ZSCAN5A: variants seen among roughly 807,000 people sequenced by gnomAD.
ZSCAN5A encodes the protein zinc finger and SCAN domain containing 5A, also known as zinc finger and SCAN domain-containing protein 5A.
A neutral mutation model predicts 23.7 loss-of-function variants in ZSCAN5A; 12 were observed. The ratio of observed to expected loss-of-function variants is 0.51; its 90% CI spans 0.32 to 0.82. ZSCAN5A has a LOEUF of 0.82. Among genes scored for constraint, ZSCAN5A ranks in the 40% least tolerant of loss-of-function variants. The probability of loss-of-function intolerance (pLI) is 0.03; values close to 1 mark genes in which losing one functional copy is unlikely to be tolerated. For missense variants in ZSCAN5A, 597 were observed against 617.9 expected, an observed-to-expected ratio of 0.97 and a Z score of 0.36; for synonymous variants, 257 against 239.9, an observed-to-expected ratio of 1.07 and a Z score of -0.66.
chr19:56,309,084 A>G (rs1005292634), intron 2 of ZSCAN5A, among the ~76,000 whole-genome samples: 12 of 152,250 alleles, frequency 7.9e-5, no homozygotes, highest in African/African-American at 2.9e-4. Context: ...AACAAAACGT[A>G]GTGCATTCAT....
At chr19:56,240,739 G>C (rs1381367260) in intron 2 of ZSCAN5A, among the ~76,000 whole-genome samples, 2 of 152,118 alleles carry the variant, frequency 1.3e-5, no homozygotes, top group African/African-American at 4.8e-5. Flanking sequence ...TTCTCATCAT[G>C]GGTAGGTTAC....
chr19:56,236,836 A>G (rs375607661), intron 2 of ZSCAN5A, among the ~76,000 whole-genome samples: 678 of 67,764 alleles, frequency 0.01, no homozygotes, highest in Admixed American at 0.014. Flanking sequence ...CTCCACTCCA[A>G]CCTCTGATTG....
intron 2 of ZSCAN5A, among the ~76,000 whole-genome samples, chr19:56,233,859 C>T (rs770724388): frequency 6.6e-6 from 1 of 152,126 alleles, no homozygotes; most frequent in Non-Finnish European, 1.5e-5. Context: ...CGGAGCCACC[C>T]TCAGAATAAC....
Position 56,222,004 on chromosome 19 carries a change from C to A in ZSCAN5A, c.1062G>T (p.Pro354=). ...TCTCGCACACGTCACATGCAAAGGG[C>A]GGCAGTGCCTTGGCTTCTTGGCCAT... ...HPDGQEAKAL[P]PFACDVCEKR... is the part of the protein sequence containing the mutation. The change falls in exon 6 of 6, where the codon CCG becomes CCT. Residue 354 remains proline, a synonymous_variant. Coordinates refer to ENST00000683990, the MANE Select transcript of ZSCAN5A (RefSeq NM_001322064.3). 1.2e-6 allele frequency: 2 copies of A among 1,614,198 alleles called. No individual in the cohort carries two copies. Among genetic ancestry groups the A allele is most frequent in the Non-Finnish European group, 1.7e-6 (2 of 1,180,038 alleles).
At chr19:56,323,851 T>C (rs2041407390) in intron 2 of ZSCAN5A, among the ~76,000 whole-genome samples, 1 of 151,192 alleles carries the variant, frequency 6.6e-6, no homozygotes, top group Non-Finnish European at 1.5e-5. Flanking sequence ...AACTTTTTTT[T>C]TTATAGATAC....
intron 2 of ZSCAN5A, among the ~76,000 whole-genome samples, chr19:56,233,719 AT>A (rs34015934): frequency 0.25 from 36,603 of 146,146 alleles, 4,712 homozygotes; most frequent in East Asian, 0.49. Flanking sequence ...AACAAAACAG[AT>A]TTTTTTTTTT....
rs1476816106 is a variant in ZSCAN5A at position 56,352,118 on chromosome 19, T to C, written c.-358+11117A>G. Among the ~76,000 whole-genome samples the C allele has an allele frequency of 6.6e-6, 1 of 152,136 alleles. No homozygotes were observed. Among genetic ancestry groups the C allele is most frequent in the Non-Finnish European group, 1.5e-5 (1 of 68,026 alleles). ...TTTTTGTTTGTTTGTTTCTTTGTTTTTGAGACGGAATCTCGCTCTGTCACC... is the reference window on the plus strand; with the variant it reads ...TTTTTGTTTGTTTGTTTCTTTGTTTCTGAGACGGAATCTCGCTCTGTCACC... On this transcript the variant is annotated intron_variant, in intron 2 of 6. Coordinates refer to the ZSCAN5A transcript ENST00000587340. This position sits in a 1 kb window ranked among gnomAD's most constrained non-coding sequence, Gnocchi z 4.2.
chr19:56,283,543 C>G (rs1242907580), intron 2 of ZSCAN5A: 1 of 152,162 alleles, frequency 6.6e-6, no homozygotes, highest in Non-Finnish European at 1.5e-5. Flanking sequence ...TTCAGTGATA[C>G]CGAGAAAGGT....
chr19:56,225,299 A>T, intron 2 of ZSCAN5A, 126 bp from the exon 3 acceptor site: 1 of 882,808 alleles, frequency 1.1e-6, no homozygotes, highest in East Asian at 3.2e-5. Flanking sequence ...GAAATCTTCC[A>T]GTGTCTATAC....
intron 2 of ZSCAN5A, among the ~76,000 whole-genome samples, chr19:56,237,098 C>G (rs2034995132): frequency 6.6e-6 from 1 of 152,254 alleles, no homozygotes; most frequent in Non-Finnish European, 1.5e-5. Context: ...GCTCTTGGGC[C>G]TCTTGCTGGA....
intron 2 of ZSCAN5A, among the ~76,000 whole-genome samples, chr19:56,257,132 A>G (rs2036759771): frequency 6.6e-6 from 1 of 152,220 alleles, no homozygotes; most frequent in African/African-American, 2.4e-5. Flanking sequence ...TGTGGAGAGA[A>G]GAGCCACATG....
chr19:56,275,919 TGATA>T (rs891232780), intron 2 of ZSCAN5A, among the ~76,000 whole-genome samples: 31 of 152,226 alleles, frequency 2.0e-4, no homozygotes, highest in African/African-American at 7.2e-4. Flanking sequence ...ATGGATGGGC[TGATA>T]GATGGGCCCG....
chr19:56,231,996 C>CTTTTTTTTTTTTTTTTTTT (rs59525392), intron 2 of ZSCAN5A, among the ~76,000 whole-genome samples: 3 of 124,984 alleles, frequency 2.4e-5, no homozygotes, highest in East Asian at 2.3e-4. Flanking sequence ...TTTTTCTTTT[C>CTTTTTTTTTTTTTTTTTTT]TTTTTTTTTG....
chr19:56,367,081 T>G (rs544144173), intron 1 of ZSCAN5A: 1 of 152,212 alleles, frequency 6.6e-6, no homozygotes, highest in East Asian at 1.9e-4. Context: ...TTAAAGTGGC[T>G]GGCTGCAGTG....
intron 2 of ZSCAN5A, among the ~76,000 whole-genome samples, chr19:56,302,616 TTCCTCCCTCCCTCC>T (rs1228088991): frequency 3.2e-4 from 30 of 94,002 alleles, no homozygotes; most frequent in Non-Finnish European, 5.1e-4. Context: ...CCTCTCCCTC[TTCCTCCCTCCCTCC>T]TCCTCCCTTC....
chr19:56,264,807 CACTAAA>C (rs1214909865), intron 2 of ZSCAN5A, among the ~76,000 whole-genome samples: 3 of 152,142 alleles, frequency 2.0e-5, no homozygotes, highest in Non-Finnish European at 2.9e-5. Flanking sequence ...ATCTAGGTCA[CACTAAA>C]GCTTTTAGTC....
chr19:56,317,727 CCGATGAAGAG>C (rs1285928183), upstream of ZSCAN5A: 1 of 152,954 alleles, frequency 6.5e-6, no homozygotes, highest in African/African-American at 2.4e-5. Context: ...GCTGGGGCGG[CCGATGAAGAG>C]CGAGGAAGAG....
rs920804173 is a variant in ZSCAN5A at position 56,228,375 on chromosome 19, C to T, written c.-127-3202G>A. Reference sequence around the variant, plus strand: ...AGGCCGCGTTTCCGGTTCCCTGCGCCGCCCCGTGATTGGTTTAGGGCCATA... The same window carrying T: ...AGGCCGCGTTTCCGGTTCCCTGCGCTGCCCCGTGATTGGTTTAGGGCCATA... On this transcript the variant is annotated intron_variant, in intron 2 of 5. Coordinates refer to ENST00000683990, the MANE Select transcript of ZSCAN5A (RefSeq NM_001322064.3). The T allele has an allele frequency of 9.1e-6, 9 of 985,186 alleles. No homozygotes were observed. In the African/African-American group the frequency reaches 1.2e-4, roughly 13 times the overall value. 61.0% of individuals were successfully genotyped at this position (985,186 alleles called of 1,614,324 possible).
chr19:56,243,469 C>G (rs2035593253), intron 2 of ZSCAN5A, among the ~76,000 whole-genome samples: 2 of 152,120 alleles, frequency 1.3e-5, no homozygotes, highest in South Asian at 4.1e-4. Flanking sequence ...AAACAAATGT[C>G]CTGGGGTTAA....
Sources: allele counts gnomAD v4.1 joint callset (sites outside exome capture counted in the v4.1 genomes callset), GRCh38; gene constraint gnomAD v4.1.1; non-coding constraint Gnocchi (gnomAD v3.1); transcripts MANE v1.5; gene names NCBI Gene and HGNC (gene_info 2026-07-23, HGNC 2026-07-21).